Variants in SLC6A20 observed in about 807,000 individuals in gnomAD.
The protein encoded by SLC6A20 is solute carrier family 6 member 20.
In SLC6A20, 73 loss-of-function variants were observed where a neutral mutation model predicts 64.3. The ratio of observed to expected loss-of-function variants is 1.14; its 90% CI spans 0.94 to 1.38. The LOEUF (loss-of-function observed/expected upper bound fraction) is 1.38. Ranked by LOEUF, SLC6A20 falls within the 40% of genes most tolerant of loss-of-function variation. The pLI, the probability that SLC6A20 is intolerant of heterozygous loss-of-function variation, is 0.00. For synonymous variants in SLC6A20, 347 were observed against 329.6 expected (o/e 1.05, Z -0.57); for missense variants, 725 against 772.8 (o/e 0.94, Z 0.73).
Position 45,796,298 on chromosome 3 carries a change from C to A in SLC6A20, c.121+1G>T. ...GGGGCCGGGGCGCGGTGGGCACTCA[C>A]CTCCGCCGTACATCTGGCACAGGTA... On this transcript the variant is annotated splice_donor_variant, in intron 1 of 10. Transcript: ENST00000358525. LOFTEE classifies it high-confidence loss of function. 6.2e-7 allele frequency: 1 copy of A among 1,604,168 alleles called. No homozygotes were observed.
intron 3 of SLC6A20, among the ~76,000 whole-genome samples, chr3:45,779,252 G>A (rs1044955687): frequency 1.3e-5 from 2 of 152,228 alleles, no homozygotes; most frequent in African/African-American, 2.4e-5. Context: ...GGCAGTGGAG[G>A]ATGGGGTTCC....
intron 1 of SLC6A20, among the ~76,000 whole-genome samples, chr3:45,785,295 G>A (rs1700152291): frequency 6.6e-6 from 1 of 152,218 alleles, no homozygotes; most frequent in Non-Finnish European, 1.5e-5. Flanking sequence ...GATCCTGGGT[G>A]TGTCTGTGAG....
rs1053379041 is a variant in SLC6A20 at position 45,756,759 on chromosome 3, C to G, written c.*2219G>C. 2.6e-5 allele frequency: 4 copies of G among 152,110 alleles called. No homozygotes were observed. Among genetic ancestry groups the G allele is most frequent in the Admixed American group, 2.6e-4 (4 of 15,272 alleles). The allele number at this position is 152,110 out of a possible 1,614,324, so 9.4% of individuals were successfully genotyped here. A position where few individuals can be genotyped will look rare whatever the true frequency, so the allele number is the denominator to read the frequency against. On this transcript the variant is annotated 3_prime_UTR_variant, in exon 11 of 11. Transcript: ENST00000358525. ...CGCTCACTTTAGGGGTAACGACCTA[C>G]TTTATTGCAGTTAAAAAAAGAAAAA...
intron 1 of SLC6A20, among the ~76,000 whole-genome samples, chr3:45,788,314 A>G (rs1035372070): frequency 1.3e-5 from 2 of 152,088 alleles, no homozygotes; most frequent in African/African-American, 4.8e-5. Context: ...TCAGAAGAAA[A>G]GGATAAAGAG....
intron 1 of SLC6A20, among the ~76,000 whole-genome samples, chr3:45,785,646 T>TCTCTCTCTCTCTCTCTC (rs58230332): frequency 1.3e-4 from 19 of 144,278 alleles, no homozygotes; most frequent in South Asian, 4.4e-4. Flanking sequence ...TCTCTCTCTC[T>TCTCTCTCTCTCTCTCTC]TCCCCCTATT....
At chr3:45,794,984 AT>A (rs1038924073) in intron 1 of SLC6A20, among the ~76,000 whole-genome samples, 5 of 152,178 alleles carry the variant, frequency 3.3e-5, no homozygotes, top group African/African-American at 1.2e-4. Context: ...CCTTTTGTTG[AT>A]TTGGGGTAAG....
chr3:45,764,163 C>T (rs570377651), intron 8 of SLC6A20, among the ~76,000 whole-genome samples: 132 of 152,106 alleles, frequency 8.7e-4, no homozygotes, highest in Non-Finnish European at 1.5e-3. Context: ...AGCAGATGGG[C>T]CAGGGAGTGA....
intron 10 of SLC6A20, 58 bp downstream of exon 10, chr3:45,759,799 C>T: frequency 1.3e-6 from 2 of 1,549,782 alleles, no homozygotes; most frequent in Non-Finnish European, 8.7e-7. Flanking sequence ...AAATGAATGG[C>T]CCATGCTTTT....
chr3:45,772,772 C>G (rs1404572651), intron 4 of SLC6A20, among the ~76,000 whole-genome samples, 157 bp from the exon 5 acceptor site: 1 of 152,106 alleles, frequency 6.6e-6, no homozygotes, highest in Non-Finnish European at 1.5e-5. Context: ...CACACAGGCT[C>G]TGGGTTAGGG....
At chr3:45,788,733 T>C (rs916025082) in intron 1 of SLC6A20, among the ~76,000 whole-genome samples, 1 of 152,202 alleles carries the variant, frequency 6.6e-6, no homozygotes, top group South Asian at 2.1e-4. Context: ...GTAAAAAACA[T>C]TGTAGCTAAC....
In SLC6A20 at chr3:45,756,558, T is replaced by TA. The variant is rs1699546724; in HGVS notation, c.*2419dup. 1 of 152,170 alleles carries TA rather than the reference T, an allele frequency of 6.6e-6. No homozygotes were observed. Among genetic ancestry groups the TA allele is most frequent in the Non-Finnish European group, 1.5e-5 (1 of 68,030 alleles). 9.4% of individuals were successfully genotyped at this position (152,170 alleles called of 1,614,324 possible). ...TGCTGAAGACAGTAGAAGACCTTTC[T>TA]AAAGCCTATTTTTGCTGTAAGAGAA... is the stretch of plus-strand genomic sequence containing the variant. On this transcript the variant is annotated 3_prime_UTR_variant, in exon 11 of 11. Coordinates refer to ENST00000358525, the MANE Select transcript of SLC6A20 (RefSeq NM_020208.4).
rs1391497105 is a variant in SLC6A20 at position 45,770,388 on chromosome 3, C to T, written c.936-17G>A. The T allele has an allele frequency of 4.3e-6, 7 of 1,612,982 alleles. No homozygotes were observed. Among genetic ancestry groups the T allele is most frequent in the East Asian group, 2.2e-5 (1 of 44,872 alleles). On this transcript the variant is annotated splice_polypyrimidine_tract_variant and intron_variant, in intron 6 of 10. Transcript: ENST00000358525. Reference sequence around the variant, plus strand: ...AGACTCACCCTGCAGAGCAGACCATCGGATCGACCTTCACTGATCAGAAAG... The same window carrying T: ...AGACTCACCCTGCAGAGCAGACCATTGGATCGACCTTCACTGATCAGAAAG...
In SLC6A20 at chr3:45,793,484, C is replaced by A. The variant is rs188219300; in HGVS notation, c.121+2815G>T. Among the ~76,000 whole-genome samples, 452 of 151,280 alleles carry A rather than the reference C, an allele frequency of 3.0e-3. 4 individuals carry two copies. The highest frequency in any genetic ancestry group is 3.4e-3 in the Non-Finnish European group (233 of 67,976). ...GATTTTGTGAAGTTCTTTGAGCTGC[C>A]TTTTATTTTTTATTTTTCTAGAGCA... On this transcript the variant is annotated intron_variant, in intron 1 of 10. Transcript: ENST00000358525.
In SLC6A20 at chr3:45,771,271, G is replaced by A. The variant is rs1699859529; in HGVS notation, c.881C>T (p.Thr294Ile). 1.2e-6 allele frequency: 2 copies of A among 1,614,128 alleles called. No homozygotes were observed. The highest frequency in any genetic ancestry group is 2.7e-5 in the African/African-American group (2 of 74,946). The change falls in exon 6 of 11, where the codon ACC becomes ATC. Residue 294 changes from threonine to isoleucine, a missense_variant. Physicochemically the swap from Thr to Ile is moderately conservative, Grantham distance 89. Coordinates refer to ENST00000358525, the MANE Select transcript of SLC6A20 (RefSeq NM_020208.4). Reference sequence around the variant, plus strand: ...GGCCTTGAAGCCATAGATGGAGAAGGTGACAATGCTGGCAAATATGGAGGT... The same window carrying A: ...GGCCTTGAAGCCATAGATGGAGAAGATGACAATGCTGGCAAATATGGAGGT... ...SFTSIFASIVTFSIYGFKATF... is the reference protein window; with the variant it reads ...SFTSIFASIVIFSIYGFKATF...
chr3:45,796,243 A>G, intron 1 of SLC6A20, 56 bp downstream of exon 1: 4 of 1,557,214 alleles, frequency 2.6e-6, no homozygotes, highest in Non-Finnish European at 3.5e-6. Context: ...CGGCTCGCAC[A>G]CACGGCGGGG....
chr3:45,770,259 C>A lies in SLC6A20; in HGVS notation c.1048G>T (p.Glu350Ter). Residue 350 changes from glutamate to a stop codon, truncating the protein, a stop_gained, in exon 7 of 11, where the codon GAG becomes TAG. Coordinates refer to ENST00000358525, the MANE Select transcript of SLC6A20 (RefSeq NM_020208.4). LOFTEE classifies it high-confidence loss of function. ...LASAYPSKYSEMFPQIKNCSL... is the reference protein window; with the variant it reads ...LASAYPSKYS ...CAGTTTTTGATTTGCGGGAACATCT[C>A]GCTGTATTTGCTTGGGTAGGCAGAT... 6.2e-7 allele frequency: 1 copy of A among 1,614,198 alleles called. No homozygotes were observed.
intron 4 of SLC6A20, 63 bp from the exon 5 acceptor site, chr3:45,772,678 G>A: frequency 7.5e-7 from 1 of 1,337,974 alleles, no homozygotes; most frequent in Non-Finnish European, 1.0e-6. Context: ...ACAGACCCAT[G>A]CCCCATGGAA....
intron 2 of SLC6A20, 25 bp downstream of exon 2, chr3:45,782,058 A>C: frequency 1.3e-6 from 2 of 1,571,878 alleles, no homozygotes; most frequent in Non-Finnish European, 1.7e-6. Flanking sequence ...TCTGGGTGGG[A>C]GAGGACTGGA....
intron 2 of SLC6A20, among the ~76,000 whole-genome samples, chr3:45,781,444 C>G (rs1700083459): frequency 6.6e-6 from 1 of 152,186 alleles, no homozygotes; most frequent in Non-Finnish European, 1.5e-5. Context: ...GTCAGGGTTC[C>G]TTCTGCATGC....
Sources: allele counts gnomAD v4.1 joint callset (sites outside exome capture counted in the v4.1 genomes callset), GRCh38; gene constraint gnomAD v4.1.1; transcripts MANE v1.5; gene names NCBI Gene and HGNC (gene_info 2026-07-23, HGNC 2026-07-21).